TMEM232: variants seen among roughly 807,000 people sequenced by gnomAD.
TMEM232 encodes transmembrane protein 232.
Under a neutral mutation model 78.8 loss-of-function variants are expected in TMEM232, and 80 were observed. The ratio of observed to expected loss-of-function variants is 1.01; its 90% CI spans 0.85 to 1.22. The LOEUF is 1.22. Ranked by LOEUF, TMEM232 falls within the 50% of genes most tolerant of loss-of-function variation. TMEM232 has a pLI of 0.00. For missense variants in TMEM232, 881 were observed against 742.2 expected, an observed-to-expected ratio of 1.19 and a Z score of -2.17; for synonymous variants, 297 against 254.3, an observed-to-expected ratio of 1.17 and a Z score of -1.60.
At chr5:110,715,643 T>G (rs1248726015) in intron 1 of TMEM232, among the ~76,000 whole-genome samples, 1 of 152,148 alleles carries the variant, frequency 6.6e-6, no homozygotes, top group Non-Finnish European at 1.5e-5. Context: ...TAAGCCCGCT[T>G]CGACCCTAAC....
At chr5:110,604,419 TTTGAGTGAAGTAA>T (rs1470189860) in intron 10 of TMEM232, among the ~76,000 whole-genome samples, 1 of 152,050 alleles carries the variant, frequency 6.6e-6, no homozygotes, top group Non-Finnish European at 1.5e-5. Flanking sequence ...TACTAGAATA[TTTGAGTGAAGTAA>T]TTGTAGAGAA....
At chr5:110,400,382 C>G (rs1181381579) in intron 2 of TMEM232, among the ~76,000 whole-genome samples, 1 of 151,938 alleles carries the variant, frequency 6.6e-6, no homozygotes, top group Non-Finnish European at 1.5e-5. Context: ...GAAGAAAATG[C>G]CTGCCACATT....
In TMEM232 at chr5:110,490,693, T is replaced by C. The variant is rs866926775; in HGVS notation, c.1703+37895A>G. Among the ~76,000 whole-genome samples, 9 of 152,222 alleles carry C rather than the reference T, an allele frequency of 5.9e-5. No homozygotes were observed. The South Asian group carries it at 1.0e-3, about 18-fold the overall frequency. ...AAATAAACCATCCATTTATGAGCAA[T>C]TGATTTTCAACAAAGGTGCCAAGAC... On this transcript the variant is annotated intron_variant, in intron 12 of 13. Transcript: ENST00000455884.
intron 4 of TMEM232, among the ~76,000 whole-genome samples, chr5:110,389,414 G>C (rs1755098696): frequency 6.6e-6 from 1 of 152,092 alleles, no homozygotes; most frequent in South Asian, 2.1e-4. Flanking sequence ...TCCTAACACT[G>C]GCAAAAACCA....
intron 10 of TMEM232, among the ~76,000 whole-genome samples, chr5:110,585,915 C>A (rs974135073): frequency 8.5e-5 from 13 of 152,152 alleles, no homozygotes; most frequent in Non-Finnish European, 1.9e-4. Flanking sequence ...AGGGATTTAA[C>A]AAACTCATCC....
At chr5:110,620,609 CT>C (rs1367984932) in intron 7 of TMEM232, among the ~76,000 whole-genome samples, 2 of 138,372 alleles carry the variant, frequency 1.4e-5, no homozygotes, top group African/African-American at 5.8e-5. Flanking sequence ...CTCTCTCTCT[CT>C]CTCTCTCTCT....
intron 5 of TMEM232, among the ~76,000 whole-genome samples, chr5:110,635,309 G>A (rs891247331): frequency 3.3e-5 from 5 of 151,976 alleles, no homozygotes; most frequent in African/African-American, 1.2e-4. Flanking sequence ...AGTAAAAGGC[G>A]AGGGAACTCT....
chr5:110,613,480 C>G (rs1173319483), intron 8 of TMEM232, among the ~76,000 whole-genome samples: 1 of 152,084 alleles, frequency 6.6e-6, no homozygotes. Flanking sequence ...CATTATGTTA[C>G]TTTCCTGAAA....
intron 12 of TMEM232, among the ~76,000 whole-genome samples, chr5:110,449,236 T>C (rs1385641119): frequency 6.6e-6 from 1 of 152,096 alleles, no homozygotes; most frequent in Non-Finnish European, 1.5e-5. Flanking sequence ...CTTCATTGAC[T>C]TTTTAAAATA....
intron 11 of TMEM232, among the ~76,000 whole-genome samples, chr5:110,556,521 C>A (rs998345615): frequency 2.0e-5 from 3 of 151,898 alleles, no homozygotes; most frequent in Non-Finnish European, 1.5e-5. Flanking sequence ...CTGAGTAGTT[C>A]AGACCACAGG....
At chr5:110,553,427 G>A (rs765309215) in intron 11 of TMEM232, among the ~76,000 whole-genome samples, 48 of 151,950 alleles carry the variant, frequency 3.2e-4, no homozygotes, top group Non-Finnish European at 6.3e-4. Context: ...AATTCTTGTT[G>A]TAGATATCTT....
intron 10 of TMEM232, among the ~76,000 whole-genome samples, chr5:110,589,345 C>T (rs6881177): frequency 0.14 from 20,687 of 152,042 alleles, 1,736 homozygotes; most frequent in African/African-American, 0.23. Flanking sequence ...TTCTAGAAAA[C>T]GCCCAGGAAC....
At chr5:110,424,973 G>A (rs1757080998) in intron 12 of TMEM232, 57 bp from the exon 13 acceptor site, 1 of 1,199,948 alleles carries the variant, frequency 8.3e-7, no homozygotes, top group East Asian at 2.6e-5. Context: ...CTATTCCCCA[G>A]AAATAGAATT....
In TMEM232 at chr5:110,684,095, A is replaced by G. The variant is rs548753271; in HGVS notation, c.-12-16731T>C. On this transcript the variant is annotated intron_variant, in intron 1 of 13. Transcript: ENST00000455884. Reference sequence around the variant, plus strand: ...AATTAAATGTATCTAGGAAAAACTAAAACAAACATGATAATTAATGATAAA... The same window carrying G: ...AATTAAATGTATCTAGGAAAAACTAGAACAAACATGATAATTAATGATAAA... Among the ~76,000 whole-genome samples the G allele has an allele frequency of 7.9e-5, 12 of 152,136 alleles. No individual in the cohort carries two copies. The East Asian group carries it at 1.9e-3, about 24-fold the overall frequency.
chr5:110,394,871 G>C (rs1755327498), intron 3 of TMEM232, among the ~76,000 whole-genome samples: 1 of 152,076 alleles, frequency 6.6e-6, no homozygotes, highest in South Asian at 2.1e-4. Context: ...GCCTCCAATA[G>C]GGTCTCTCTG....
At chr5:110,717,819 G>A (rs373871936) in intron 1 of TMEM232, among the ~76,000 whole-genome samples, 2 of 152,108 alleles carry the variant, frequency 1.3e-5, no homozygotes, top group South Asian at 4.1e-4. Flanking sequence ...GAAGGTCCTT[G>A]CTTCCCCTTT....
At chr5:110,436,385 A>AT (rs541559527) in intron 12 of TMEM232, among the ~76,000 whole-genome samples, 21 of 151,694 alleles carry the variant, frequency 1.4e-4, no homozygotes, top group South Asian at 6.3e-4. Context: ...GTTTGCAAAT[A>AT]TTTTTTCTTA....
At chr5:110,567,138 G>A (rs549573690) in intron 11 of TMEM232, among the ~76,000 whole-genome samples, 11 of 151,912 alleles carry the variant, frequency 7.2e-5, no homozygotes, top group South Asian at 2.1e-4. Flanking sequence ...TCCATAACAC[G>A]TGGGGTTGAT....
Position 110,424,823 on chromosome 5 carries a change from G to T in TMEM232, c.1797C>A (p.His599Gln), listed in dbSNP as rs200371796. The change falls in exon 13 of 14, where the codon CAC becomes CAA. Residue 599 changes from histidine to glutamine, a missense_variant and splice_region_variant. Coordinates refer to ENST00000455884, the MANE Select transcript of TMEM232 (RefSeq NM_001039763.4). Reference sequence around the variant, plus strand: ...CTAGTTAAAAAAAAATCAATCTTACGTGATGGTCAATGATTTTTGCCAACT... The same window carrying T: ...CTAGTTAAAAAAAAATCAATCTTACTTGATGGTCAATGATTTTTGCCAACT... ...DKELAKIIDH[H>Q]WQEELKIREK... 6.5e-7 allele frequency: 1 copy of T among 1,546,050 alleles called. No homozygotes were observed. Among genetic ancestry groups the T allele is most frequent in the South Asian group, 1.2e-5 (1 of 83,170 alleles).
Sources: gnomAD v4.1 joint callset for allele counts (sites outside exome capture counted in the v4.1 genomes callset) on GRCh38, gnomAD v4.1.1 for gene constraint, MANE v1.5 for transcripts, NCBI Gene and HGNC (gene_info 2026-07-23, HGNC 2026-07-21) for gene names.